Variants in PCDHA11 observed in about 807,000 individuals in gnomAD.
PCDHA11 encodes protocadherin alpha 11.
Under a neutral mutation model 70.3 loss-of-function variants are expected in PCDHA11, and 61 were observed. The ratio of observed to expected loss-of-function variants is 0.87; its 90% confidence interval spans 0.71 to 1.07. The LOEUF (loss-of-function observed/expected upper bound fraction) is 1.07. Among genes scored for constraint, PCDHA11 ranks in the 50% least tolerant of loss-of-function variants. The probability of loss-of-function intolerance (pLI) is 0.00; values close to 1 mark genes in which losing one functional copy is unlikely to be tolerated. For synonymous variants in PCDHA11, 633 were observed against 555.1 expected (o/e 1.14, Z -1.97); for missense variants, 1,324 against 1,237.5 (o/e 1.07, Z -1.05).
At chr5:140,978,319 A>G (rs1294780698) in intron 1 of PCDHA11, among the ~76,000 whole-genome samples, 2 of 152,216 alleles carry the variant, frequency 1.3e-5, no homozygotes, top group Admixed American at 1.3e-4. Context: ...AGCAGGAACA[A>G]GTACAAGTTT....
At chr5:140,940,390 T>C (rs2092601477) in intron 1 of PCDHA11, among the ~76,000 whole-genome samples, 1 of 152,194 alleles carries the variant, frequency 6.6e-6, no homozygotes. Flanking sequence ...ATTTTGGTTA[T>C]TGTGTTTTTC....
chr5:140,986,204 T>A (rs2097190386), intron 3 of PCDHA11, among the ~76,000 whole-genome samples: 1 of 152,224 alleles, frequency 6.6e-6, no homozygotes, highest in African/African-American at 2.4e-5. Context: ...TAATCCTGAT[T>A]ACTGGCCCCT....
rs370812126 is a variant in PCDHA11, at chr5:140,869,802, G to A, written c.699G>A (p.Leu233=). Residue 233 remains leucine, a synonymous_variant, in exon 1 of 4, where the codon TTG becomes TTA. Coordinates refer to ENST00000398640, the MANE Select transcript of PCDHA11 (RefSeq NM_018902.5). ...CCGTTCGGCTGTTAGTCCAAGTCTT[G>A]GATGTCAACGACAATGATCCAGAGT... The part of the protein sequence containing the change: ...TGTVRLLVQV[L]DVNDNDPEFD... 12 of 1,612,438 alleles carry A rather than the reference G, an allele frequency of 7.4e-6. No homozygotes were observed. The African/African-American group carries it at 1.3e-4, about 18-fold the overall frequency.
In PCDHA11 at chr5:140,869,809, A is replaced by G; in HGVS notation, c.706A>G (p.Asn236Asp). The change falls in exon 1 of 4, where the codon AAC becomes GAC. Residue 236 changes from asparagine to aspartate, a missense_variant. By Grantham distance (23) the Asn-to-Asp change is conservative (BLOSUM62 1). Coordinates refer to ENST00000398640, the MANE Select transcript of PCDHA11 (RefSeq NM_018902.5). ...VRLLVQVLDVNDNDPEFDKSE... is the reference protein window; with the variant it reads ...VRLLVQVLDVDDNDPEFDKSE... ...GCTGTTAGTCCAAGTCTTGGATGTC[A>G]ACGACAATGATCCAGAGTTTGATAA... is the stretch of plus-strand genomic sequence containing the variant. 9.3e-6 allele frequency: 15 copies of G among 1,612,564 alleles called. No individual in the cohort carries two copies. Among genetic ancestry groups the G allele is most frequent in the Non-Finnish European group, 1.3e-5 (15 of 1,179,316 alleles).
intron 3 of PCDHA11, among the ~76,000 whole-genome samples, chr5:141,002,946 G>A (rs2098104148): frequency 6.6e-6 from 1 of 152,180 alleles, no homozygotes; most frequent in African/African-American, 2.4e-5. Flanking sequence ...TCCAGCACAT[G>A]CCCCTCTGAG....
chr5:140,945,715 A>G (rs145543790), intron 1 of PCDHA11, among the ~76,000 whole-genome samples: 3,564 of 152,270 alleles, frequency 0.023, 50 homozygotes, highest in Middle Eastern at 0.034. Context: ...AAAAGTATCA[A>G]GAATATACAA....
In PCDHA11 at chr5:141,010,289, C is replaced by G. The variant is rs2098416832; in HGVS notation, c.*352C>G. The G allele has an allele frequency of 4.5e-6, 7 of 1,550,274 alleles. No homozygotes were observed. The highest frequency in any genetic ancestry group is 3.9e-5 in the Admixed American group (2 of 50,654). ...GGGGATCCTGTCTTGATGACACTTG[C>G]AGGGCAGGCTGAAAAGTTTTGAGAT... On this transcript the variant is annotated 3_prime_UTR_variant, in exon 4 of 4. Transcript: ENST00000398640.
chr5:140,942,255 A>G (rs2093254394), intron 1 of PCDHA11, among the ~76,000 whole-genome samples: 1 of 152,194 alleles, frequency 6.6e-6, no homozygotes, highest in Non-Finnish European at 1.5e-5. Context: ...TCATTAAAAG[A>G]TATCTAAAGC....
At chr5:140,881,931 G>T in intron 1 of PCDHA11, 1 of 276,824 alleles carries the variant, frequency 3.6e-6, no homozygotes, top group South Asian at 8.8e-5. Flanking sequence ...GCAGTGATTT[G>T]CTGTTTCTGG....
At chr5:140,999,933 A>T (rs1554257043) in intron 3 of PCDHA11, among the ~76,000 whole-genome samples, 1 of 152,124 alleles carries the variant, frequency 6.6e-6, no homozygotes, top group African/African-American at 2.4e-5. Context: ...AGCTCAACTC[A>T]TTCCACCCAA....
At chr5:140,878,586 C>T (rs1020008029) in intron 1 of PCDHA11, among the ~76,000 whole-genome samples, 9 of 152,164 alleles carry the variant, frequency 5.9e-5, no homozygotes, top group Non-Finnish European at 1.3e-4. Context: ...TGCCCTGTGC[C>T]TATTACCAAG....
chr5:140,948,318 A>G (rs1423632599), intron 1 of PCDHA11, among the ~76,000 whole-genome samples: 1 of 151,520 alleles, frequency 6.6e-6, no homozygotes, highest in Non-Finnish European at 1.5e-5. Flanking sequence ...TTGAGGGGTA[A>G]TGTTTTCATT....
chr5:140,892,250 T>G (rs781827855), intron 1 of PCDHA11, among the ~76,000 whole-genome samples: 2 of 152,182 alleles, frequency 1.3e-5, no homozygotes, highest in Non-Finnish European at 2.9e-5. Flanking sequence ...AACCTGGTTA[T>G]CTTTGATTTT....
chr5:140,908,442 T>A (rs2073975632), intron 1 of PCDHA11, among the ~76,000 whole-genome samples: 1 of 152,160 alleles, frequency 6.6e-6, no homozygotes, highest in Non-Finnish European at 1.5e-5. Flanking sequence ...CACCCCACTT[T>A]ATGGCTAGAT....
chr5:140,978,182 AC>A (rs1240611427), intron 1 of PCDHA11, among the ~76,000 whole-genome samples: 1 of 152,186 alleles, frequency 6.6e-6, no homozygotes, highest in African/African-American at 2.4e-5. Context: ...AGAGAGGGCA[AC>A]AGATCTTTTC....
chr5:140,938,926 T>C (rs149516801), intron 1 of PCDHA11, among the ~76,000 whole-genome samples: 9 of 152,172 alleles, frequency 5.9e-5, no homozygotes, highest in Non-Finnish European at 1.2e-4. Context: ...AGAAATTGGC[T>C]TTTAACTTTC....
chr5:140,931,304 G>A (rs1218460625), intron 1 of PCDHA11, among the ~76,000 whole-genome samples: 13 of 152,056 alleles, frequency 8.5e-5, no homozygotes, highest in Non-Finnish European at 1.9e-4. Context: ...CAAAAAGAGA[G>A]GAGAATACCA....
intron 1 of PCDHA11, among the ~76,000 whole-genome samples, chr5:140,890,993 AT>A (rs2062889744): frequency 6.6e-6 from 1 of 152,134 alleles, no homozygotes; most frequent in Non-Finnish European, 1.5e-5. Flanking sequence ...TTATTTCATC[AT>A]AATTATTGAA....
rs78805068 is a variant in PCDHA11, at chr5:140,928,696, C to T, written c.2392-50253C>T. On this transcript the variant is annotated intron_variant, in intron 1 of 3. Transcript: ENST00000398640. ...TGCCTGGCTTTCCTACCACATCTCC[C>T]GGGCGTCTGACTCTAGTCTCTTTAG... The T allele has an allele frequency of 3.2e-3, 5,185 of 1,614,146 alleles. 27 individuals carry two copies. The highest frequency in any genetic ancestry group is 0.019 in the African/African-American group (1,449 of 75,020).
Sources: allele counts gnomAD v4.1 joint callset (sites outside exome capture counted in the v4.1 genomes callset), GRCh38; gene constraint gnomAD v4.1.1; transcripts MANE v1.5; gene names NCBI Gene and HGNC (gene_info 2026-07-23, HGNC 2026-07-21).